Variants in HS3ST3A1 observed in about 807,000 individuals in gnomAD.
HS3ST3A1 encodes the protein heparan sulfate-glucosamine 3-sulfotransferase 3A1, also known as heparan sulfate glucosamine 3-O-sulfotransferase 3A1.
In HS3ST3A1, 19 loss-of-function variants were observed where a neutral mutation model predicts 25.7. The ratio of observed to expected loss-of-function variants is 0.74; its 90% CI spans 0.52 to 1.08. The LOEUF (loss-of-function observed/expected upper bound fraction) is 1.08, where lower values mean the gene tolerates loss of function less well. HS3ST3A1 is among the 50% of genes least tolerant of loss of function. The pLI is 0.00. For synonymous variants in HS3ST3A1, 226 were observed against 278.6 expected, an observed-to-expected ratio of 0.81 and a Z score of 1.88; for missense variants, 459 against 594.3, an observed-to-expected ratio of 0.77 and a Z score of 2.37.
chr17:13,536,983 G>A (rs1906789345), intron 1 of HS3ST3A1, among the ~76,000 whole-genome samples: 1 of 152,188 alleles, frequency 6.6e-6, no homozygotes, highest in Non-Finnish European at 1.5e-5. Flanking sequence ...CCTATGCTAA[G>A]TGACCTGACG....
chr17:13,511,605 G>T (rs1396920491), intron 1 of HS3ST3A1, among the ~76,000 whole-genome samples: 1 of 151,354 alleles, frequency 6.6e-6, no homozygotes, highest in Non-Finnish European at 1.5e-5. Context: ...AGGTGGAGGG[G>T]CATATTTTAT....
At chr17:13,578,651 T>C (rs890564615) in intron 1 of HS3ST3A1, among the ~76,000 whole-genome samples, 1 of 151,928 alleles carries the variant, frequency 6.6e-6, no homozygotes, top group Non-Finnish European at 1.5e-5. Flanking sequence ...CAGTCTCTCC[T>C]AGACATACAT....
At chr17:13,590,324 G>A (rs1544513) in intron 1 of HS3ST3A1, among the ~76,000 whole-genome samples, 60,396 of 125,104 alleles carry the variant, frequency 0.48, 14,011 homozygotes, top group Admixed American at 0.58. Flanking sequence ...GCTCTGTGAG[G>A]TTAAAAAAAA....
rs71144977 is a variant in HS3ST3A1 at position 13,585,186 on chromosome 17, C to CTTTTTTTTTTTTTTTTTTTTT, written c.599+15324_599+15344dup. Among the ~76,000 whole-genome samples, 15 of 33,248 alleles carry CTTTTTTTTTTTTTTTTTTTTT rather than the reference C, an allele frequency of 4.5e-4. 6 individuals are homozygous for CTTTTTTTTTTTTTTTTTTTTT. The highest frequency in any genetic ancestry group is 4.2e-3 in the East Asian group (3 of 716). The allele number at this position is 33,248 out of a possible 152,430, so 21.8% of individuals were successfully genotyped here. ...CAATCTAAATACTCATTTTTCTGTGCTTTTTTTTTTTTTTTTTTTTTTTTT... is the reference window on the plus strand; with the variant it reads ...CAATCTAAATACTCATTTTTCTGTGCTTTTTTTTTTTTTTTTTTTTTTTTTTTTTTTTTTTTTTTTTTTTTT... On this transcript the variant is annotated intron_variant, in intron 1 of 1. Transcript: ENST00000284110.
At chr17:13,532,839 A>G (rs929208950) in intron 1 of HS3ST3A1, among the ~76,000 whole-genome samples, 2 of 148,588 alleles carry the variant, frequency 1.3e-5, no homozygotes, top group African/African-American at 4.9e-5. Context: ...GCAACTAGTA[A>G]ACAATATGGT....
In HS3ST3A1 at chr17:13,585,186, C is replaced by CTTTTTTTTTTTTTTTT. The variant is rs71144977; in HGVS notation, c.599+15329_599+15344dup. On this transcript the variant is annotated intron_variant, in intron 1 of 1. Transcript: ENST00000284110. ...CAATCTAAATACTCATTTTTCTGTGCTTTTTTTTTTTTTTTTTTTTTTTTT... is the reference window on the plus strand; with the variant it reads ...CAATCTAAATACTCATTTTTCTGTGCTTTTTTTTTTTTTTTTTTTTTTTTTTTTTTTTTTTTTTTTT... 5.7e-4 allele frequency among the ~76,000 whole-genome samples: 19 copies of CTTTTTTTTTTTTTTTT among 33,246 alleles called. 4 individuals carry two copies. Among genetic ancestry groups the CTTTTTTTTTTTTTTTT allele is most frequent in the South Asian group, 3.8e-3 (2 of 530 alleles). The allele number at this position is 33,246 out of a possible 152,430, so 21.8% of individuals were successfully genotyped here.
intron 1 of HS3ST3A1, among the ~76,000 whole-genome samples, chr17:13,516,229 G>C (rs1906049513): frequency 6.6e-6 from 1 of 152,116 alleles, no homozygotes; most frequent in Admixed American, 6.6e-5. Context: ...AGAATCGCTT[G>C]AACCCAGGAG....
chr17:13,499,615 T>G (rs1905396224), intron 1 of HS3ST3A1, among the ~76,000 whole-genome samples: 1 of 151,570 alleles, frequency 6.6e-6, no homozygotes. Flanking sequence ...ATGGGTGGGA[T>G]TGGGGTGGGG....
At chr17:13,578,486 C>A (rs765393864) in intron 1 of HS3ST3A1, among the ~76,000 whole-genome samples, 11 of 150,746 alleles carry the variant, frequency 7.3e-5, no homozygotes, top group Non-Finnish European at 1.5e-4. Flanking sequence ...TCACTTGAAC[C>A]CAGGAGGCAG....
chr17:13,539,234 C>T (rs145061485), intron 1 of HS3ST3A1, among the ~76,000 whole-genome samples: 1 of 152,336 alleles, frequency 6.6e-6, no homozygotes, highest in African/African-American at 2.4e-5. Flanking sequence ...AACATTGCTG[C>T]TGCCACATTC....
At chr17:13,537,463 TC>T (rs1196271393) in intron 1 of HS3ST3A1, among the ~76,000 whole-genome samples, 1 of 152,192 alleles carries the variant, frequency 6.6e-6, no homozygotes, top group African/African-American at 2.4e-5. Flanking sequence ...CTCCCTCTTG[TC>T]CCCATTACTT....
At chr17:13,592,604 A>G (rs909274810) in intron 1 of HS3ST3A1, among the ~76,000 whole-genome samples, 9 of 152,230 alleles carry the variant, frequency 5.9e-5, no homozygotes, top group African/African-American at 2.2e-4. Flanking sequence ...AGTTGATAAA[A>G]CGGATCCAAT....
chr17:13,503,692 G>A (rs1000506573), intron 1 of HS3ST3A1, among the ~76,000 whole-genome samples: 1 of 152,136 alleles, frequency 6.6e-6, no homozygotes, highest in Non-Finnish European at 1.5e-5. Context: ...CACACCCACT[G>A]GTCATCTAGA....
chr17:13,506,993 C>G (rs1454208562), intron 1 of HS3ST3A1, among the ~76,000 whole-genome samples: 1 of 149,780 alleles, frequency 6.7e-6, no homozygotes, highest in Non-Finnish European at 1.5e-5. Flanking sequence ...CGCTTGAACC[C>G]GGGAGGCAGA....
chr17:13,551,303 C>T (rs879650989), intron 1 of HS3ST3A1, among the ~76,000 whole-genome samples: 28 of 151,040 alleles, frequency 1.9e-4, no homozygotes, highest in Non-Finnish European at 3.1e-4. Context: ...GAGCTGAGAT[C>T]GGGCCACTGC....
chr17:13,590,589 T>C (rs1289158711), intron 1 of HS3ST3A1, among the ~76,000 whole-genome samples: 3 of 152,204 alleles, frequency 2.0e-5, no homozygotes, highest in Non-Finnish European at 4.4e-5. Context: ...CCTATCTGTT[T>C]ATGATTCTAT....
intron 1 of HS3ST3A1, among the ~76,000 whole-genome samples, chr17:13,593,136 C>T (rs1318463583): frequency 6.7e-6 from 1 of 150,264 alleles, no homozygotes; most frequent in Non-Finnish European, 1.5e-5. Context: ...ACCGTGTTGT[C>T]ATCTTTGCCA....
intron 1 of HS3ST3A1, among the ~76,000 whole-genome samples, chr17:13,526,238 G>C (rs990220035): frequency 6.6e-6 from 1 of 151,832 alleles, no homozygotes; most frequent in African/African-American, 2.4e-5. Flanking sequence ...TCCTTCAGAG[G>C]CTCCTGTCCC....
intron 1 of HS3ST3A1, among the ~76,000 whole-genome samples, chr17:13,560,289 CAAAAAAAAAAAAAAAAAAA>C (rs10632927): frequency 5.8e-5 from 1 of 17,378 alleles, no homozygotes; most frequent in African/African-American, 1.7e-4. Context: ...CACTCGTCTC[CAAAAAAAAAAAAAAAAAAA>C]AAAAAAAAAA....
Sources: allele counts gnomAD v4.1 joint callset (sites outside exome capture counted in the v4.1 genomes callset), GRCh38; gene constraint gnomAD v4.1.1; transcripts MANE v1.5; gene names NCBI Gene and HGNC (gene_info 2026-07-23, HGNC 2026-07-21).